BCAS3: variants seen among roughly 807,000 people sequenced by gnomAD.
BCAS3 encodes BCAS4/BCAS3 fusion.
In BCAS3, 53 loss-of-function variants were observed where a neutral mutation model predicts 116.1. That is an observed-to-expected ratio of 0.46 (90% CI 0.37 to 0.57). The LOEUF is 0.57. Ranked by LOEUF, BCAS3 falls within the 20% of genes least tolerant of loss-of-function variation. BCAS3 has a pLI of 0.00. For missense variants in BCAS3, 917 were observed against 1,165.4 expected (o/e 0.79, Z 3.10); for synonymous variants, 391 against 408.2 (o/e 0.96, Z 0.51).
At chr17:61,193,311 A>G (rs944336369) in intron 22 of BCAS3, among the ~76,000 whole-genome samples, 73 of 152,282 alleles carry the variant, frequency 4.8e-4, no homozygotes, top group African/African-American at 1.5e-3. Context: ...CATAATAGAA[A>G]TATAATCTAT....
At position 61,131,725 on chromosome 17, in the gene BCAS3, C is replaced by T. The variant is rs1218768721; in HGVS notation, c.2425+47161C>T. ...ACTTGCGGTGTGGATTCTGATTTAT[C>T]GCAGACCAGAGCTGCCCCTTAGGGG... On this transcript the variant is annotated intron_variant, in intron 22 of 23. Coordinates refer to ENST00000407086, the MANE Select transcript of BCAS3 (RefSeq NM_017679.5). This position sits in a 1 kb window ranked among gnomAD's most constrained non-coding sequence, Gnocchi z 4.4. Among the ~76,000 whole-genome samples the T allele has an allele frequency of 6.6e-6, 1 of 152,090 alleles. No individual in the cohort carries two copies. Among genetic ancestry groups the T allele is most frequent in the Non-Finnish European group, 1.5e-5 (1 of 68,022 alleles).
chr17:61,180,635 T>TAGCA lies in BCAS3; in HGVS notation c.2425+96071_2425+96072insAGCA, dbSNP rs2079424737. Among the ~76,000 whole-genome samples, 1 of 152,248 alleles carries TAGCA rather than the reference T, an allele frequency of 6.6e-6. No individual in the cohort carries two copies. Among genetic ancestry groups the TAGCA allele is most frequent in the African/African-American group, 2.4e-5 (1 of 41,474 alleles). On this transcript the variant is annotated intron_variant, in intron 22 of 23. Transcript: ENST00000407086. The surrounding 1 kb of genome is among the most constrained non-coding windows in gnomAD (Gnocchi z 6.0). ...AATGAGGCACTTAGATAGCATGTGA[T>TAGCA]GGCAGAAGCTTGCTACCTGTCTGAG...
chr17:60,911,338 G>A (rs967678744), intron 12 of BCAS3, among the ~76,000 whole-genome samples: 1 of 151,682 alleles, frequency 6.6e-6, no homozygotes, highest in Non-Finnish European at 1.5e-5. Flanking sequence ...TTGCTCTGTC[G>A]CCCAAGCTAG....
At position 60,746,904 on chromosome 17, in the gene BCAS3, C is replaced by T. The variant is rs189390106; in HGVS notation, c.322-294C>T. Among the ~76,000 whole-genome samples the T allele has an allele frequency of 8.5e-5, 13 of 152,236 alleles. No homozygotes were observed. In the East Asian group the frequency reaches 2.5e-3, roughly 29 times the overall value. On this transcript the variant is annotated intron_variant, in intron 5 of 23. Transcript: ENST00000407086. ...TTTGTTCTCAAAGAAGGCAGTTGTG[C>T]AGGAACTGTACAGATTTCTAATGGT...
intron 22 of BCAS3, among the ~76,000 whole-genome samples, chr17:61,110,773 CT>C (rs1460967427): frequency 2.6e-5 from 4 of 152,164 alleles, no homozygotes; most frequent in Non-Finnish European, 4.4e-5. Context: ...CCTCTGTAGG[CT>C]CCACCTCTGG....
At chr17:61,385,765 G>A (rs796870808) in intron 23 of BCAS3, among the ~76,000 whole-genome samples, 4 of 152,382 alleles carry the variant, frequency 2.6e-5, no homozygotes, top group African/African-American at 9.6e-5. Flanking sequence ...GGTGGATGCA[G>A]GAGGGAAAAA....
chr17:60,688,836 A>C (rs1363796893), intron 3 of BCAS3: 3 of 152,014 alleles, frequency 2.0e-5, no homozygotes, highest in Admixed American at 6.6e-5. Context: ...AAAAAGAAAG[A>C]AAAAAACATG....
chr17:60,837,799 G>A (rs994593781), intron 7 of BCAS3, among the ~76,000 whole-genome samples: 12 of 151,784 alleles, frequency 7.9e-5, no homozygotes, highest in African/African-American at 2.7e-4. Flanking sequence ...GAACAGGTGC[G>A]TGCCACCATG....
chr17:60,923,555 G>T (rs1276109444), intron 12 of BCAS3, among the ~76,000 whole-genome samples: 2 of 151,966 alleles, frequency 1.3e-5, no homozygotes, highest in African/African-American at 2.4e-5. Flanking sequence ...ATTTTTGAGA[G>T]AAAAAAATAG....
chr17:60,909,235 T>C (rs2058355812), intron 11 of BCAS3, among the ~76,000 whole-genome samples: 1 of 152,200 alleles, frequency 6.6e-6, no homozygotes, highest in Non-Finnish European at 1.5e-5. Flanking sequence ...AACACTTCTT[T>C]GGAAAATACT....
In BCAS3 at chr17:61,124,147, CT is replaced by C. The variant is rs2075938871; in HGVS notation, c.2425+39587del. ...AAGTCAGATATCTTTGATCTCATTT[CT>C]TTTACTCATTTTGTGTTTGTTTATT... is the stretch of plus-strand genomic sequence containing the variant. On this transcript the variant is annotated intron_variant, in intron 22 of 23. Transcript: ENST00000407086. This position sits in a 1 kb window ranked among gnomAD's most constrained non-coding sequence, Gnocchi z 4.6. Among the ~76,000 whole-genome samples, 1 of 151,754 alleles carries C rather than the reference CT, an allele frequency of 6.6e-6. No individual in the cohort carries two copies. Among genetic ancestry groups the C allele is most frequent in the African/African-American group, 2.4e-5 (1 of 41,330 alleles).
At chr17:60,764,514 GT>G (rs1487205169) in intron 6 of BCAS3, among the ~76,000 whole-genome samples, 24 of 152,324 alleles carry the variant, frequency 1.6e-4, no homozygotes, top group Non-Finnish European at 3.1e-4. Flanking sequence ...TTTTGAGTGA[GT>G]TTTTTAATCC....
chr17:61,044,084 A>G (rs1399039865), intron 19 of BCAS3, among the ~76,000 whole-genome samples: 4 of 151,898 alleles, frequency 2.6e-5, no homozygotes, highest in East Asian at 1.9e-4. Flanking sequence ...ATTTATTTTG[A>G]TGTTTAATAT....
intron 6 of BCAS3, among the ~76,000 whole-genome samples, chr17:60,777,414 C>T (rs2045406779): frequency 6.6e-6 from 1 of 152,118 alleles, no homozygotes; most frequent in Admixed American, 6.5e-5. Context: ...CACTTGAGGC[C>T]AAGAGTTGGA....
chr17:61,059,063 C>CTTTTCTTTTTT (rs2069697657), intron 19 of BCAS3, among the ~76,000 whole-genome samples: 1 of 32,780 alleles, frequency 3.1e-5, no homozygotes, highest in Non-Finnish European at 6.3e-5. Flanking sequence ...TTCTCCCCAT[C>CTTTTCTTTTTT]TTTTTTTTTT....
At chr17:60,991,245 A>G (rs1251399432) in intron 15 of BCAS3, among the ~76,000 whole-genome samples, 1 of 152,112 alleles carries the variant, frequency 6.6e-6, no homozygotes. Flanking sequence ...CTTTAACATT[A>G]TATTTGTGAG....
chr17:60,966,781 T>C (rs1262635515), intron 14 of BCAS3, among the ~76,000 whole-genome samples: 1 of 151,624 alleles, frequency 6.6e-6, no homozygotes, highest in Non-Finnish European at 1.5e-5. Context: ...GCCTCCTGAG[T>C]AGCTGGGATT....
intron 22 of BCAS3, among the ~76,000 whole-genome samples, chr17:61,358,416 G>A (rs1164162995): frequency 6.6e-6 from 1 of 152,018 alleles, no homozygotes; most frequent in Non-Finnish European, 1.5e-5. Flanking sequence ...TATGCATGAC[G>A]GTTGTTGCTT....
intron 15 of BCAS3, among the ~76,000 whole-genome samples, chr17:61,002,342 CT>C (rs1245582105): frequency 2.6e-5 from 4 of 151,894 alleles, no homozygotes; most frequent in African/African-American, 7.2e-5. Context: ...TTCTTCTTTG[CT>C]TTTTACTGCT....
Sources: gnomAD v4.1 joint callset for allele counts (sites outside exome capture counted in the v4.1 genomes callset) on GRCh38, gnomAD v4.1.1 for gene constraint, Gnocchi (gnomAD v3.1) non-coding constraint, MANE v1.5 for transcripts, NCBI Gene and HGNC (gene_info 2026-07-23, HGNC 2026-07-21) for gene names.